C11orf54: variants seen among roughly 807,000 people sequenced by gnomAD.
C11orf54 encodes the protein beta-keto-L-gulonate decarboxylase, also known as beta-keto L-gulonate decarboxylase.
A neutral mutation model predicts 35.5 loss-of-function variants in C11orf54; 29 were observed. The observed-to-expected ratio is 0.82, with a 90% CI of 0.61 to 1.11. The LOEUF (loss-of-function observed/expected upper bound fraction) is 1.11, where lower values mean the gene tolerates loss of function less well. Among genes scored for constraint, C11orf54 ranks in the 50% most tolerant of loss-of-function variants. The pLI is 0.00. For missense variants in C11orf54, 373 were observed against 369.2 expected, an observed-to-expected ratio of 1.01 and a Z score of -0.08; for synonymous variants, 108 against 121.1, an observed-to-expected ratio of 0.89 and a Z score of 0.71.
rs1943065024 is a variant in C11orf54 at position 93,755,192 on chromosome 11, G to C, written c.331-18G>C. The stretch of plus-strand genomic sequence containing the variant: ...GCAGAGATACAAAGATTGACTAATT[G>C]CCTCACTTTCTTTTCAGTTTATGCC... On this transcript the variant is annotated intron_variant, in intron 5 of 8. Coordinates refer to ENST00000354421, the MANE Select transcript of C11orf54 (RefSeq NM_001286069.2). The C allele has an allele frequency of 6.2e-7, 1 of 1,610,296 alleles. No homozygotes were observed. The highest frequency in any genetic ancestry group is 1.3e-5 in the African/African-American group (1 of 74,782).
chr11:93,759,877 T>G lies in C11orf54; in HGVS notation c.774+19T>G, dbSNP rs1424613327. ...AGACCCAGTAAGTCTGTGTCTGTTT[T>G]TTATATTATACTACAATGATAATGC... On this transcript the variant is annotated intron_variant, in intron 8 of 8. Transcript: ENST00000354421. 5 of 1,381,908 alleles carry G rather than the reference T, an allele frequency of 3.6e-6. No individual in the cohort carries two copies. Among genetic ancestry groups the G allele is most frequent in the Admixed American group, 3.5e-5 (2 of 56,346 alleles). 85.6% of individuals were successfully genotyped at this position (1,381,908 alleles called of 1,614,324 possible). A position where few individuals can be genotyped will look rare whatever the true frequency, so the allele number is the denominator to read the frequency against.
intron 7 of C11orf54, 60 bp from the exon 8 acceptor site, chr11:93,759,682 A>C: frequency 1.2e-6 from 1 of 833,586 alleles, no homozygotes; most frequent in Non-Finnish European, 1.8e-6. Flanking sequence ...TATATTTTTA[A>C]AATTTTTAAT....
chr11:93,749,119 G>A (rs1214573773), intron 2 of C11orf54, among the ~76,000 whole-genome samples: 2 of 150,354 alleles, frequency 1.3e-5, no homozygotes, highest in Non-Finnish European at 1.5e-5. Flanking sequence ...ACTCCAGCCT[G>A]GGTGACAGGG....
intron 1 of C11orf54, 177 bp downstream of exon 1, chr11:93,741,905 T>C: frequency 4.7e-6 from 1 of 214,028 alleles, no homozygotes. Flanking sequence ...GTGGCGAGGG[T>C]GACGGGTGGG....
At chr11:93,746,869 T>C (rs964635273) in intron 1 of C11orf54, 1 of 152,318 alleles carries the variant, frequency 6.6e-6, no homozygotes, top group East Asian at 1.9e-4. Flanking sequence ...TGTACTGTTA[T>C]CTACAACCAT....
rs1470403164 is a variant in C11orf54 at position 93,761,657 on chromosome 11, CAA to C, written c.920_921del (p.Lys307ArgfsTer16). ...GAGTTTCTCTATCGCATTGATCAACCAAAAGAGACGCATTCAATTGGGCGAGA... is the reference window on the plus strand; with the variant it reads ...GAGTTTCTCTATCGCATTGATCAACCAAGAGACGCATTCAATTGGGCGAGA... On this transcript the variant is annotated frameshift_variant, in exon 9 of 9. Transcript: ENST00000354421. LOFTEE classifies it high-confidence loss of function. The C allele has an allele frequency of 1.2e-6, 2 of 1,605,836 alleles. No homozygotes were observed. Among genetic ancestry groups the C allele is most frequent in the Non-Finnish European group, 8.5e-7 (1 of 1,177,238 alleles).
chr11:93,761,414 A>T, intron 8 of C11orf54, 101 bp from the exon 9 acceptor site: 2 of 1,095,400 alleles, frequency 1.8e-6, no homozygotes, highest in Non-Finnish European at 2.6e-6. Context: ...TGTATTACCT[A>T]TTTAAAAAAT....
chr11:93,755,238 A>T lies in C11orf54; in HGVS notation c.359A>T (p.Glu120Val). 2 of 1,614,132 alleles carry T rather than the reference A, an allele frequency of 1.2e-6. No individual in the cohort carries two copies. Among genetic ancestry groups the T allele is most frequent in the South Asian group, 2.2e-5 (2 of 91,074 alleles). The change falls in exon 6 of 9, where the codon GAA (glutamate) becomes GTA (valine). Residue 120 changes from glutamate to valine, a missense_variant. Transcript: ENST00000354421. Reference sequence around the variant, plus strand: ...ATGCCAGTTATTCAGACAGAAAGTGAACACAAGCCTCCTGTAAATGGAAGT... The same window carrying T: ...ATGCCAGTTATTCAGACAGAAAGTGTACACAAGCCTCCTGTAAATGGAAGT... ...EFMPVIQTES[E>V]HKPPVNGSYF...
intron 6 of C11orf54, among the ~76,000 whole-genome samples, chr11:93,755,996 G>A (rs901514960): frequency 6.6e-5 from 10 of 151,620 alleles, no homozygotes; most frequent in Non-Finnish European, 1.0e-4. Context: ...GCGAAACCTC[G>A]TCTCTACTAA....
chr11:93,753,035 C>T (rs903763554), intron 3 of C11orf54, among the ~76,000 whole-genome samples: 8 of 152,250 alleles, frequency 5.3e-5, no homozygotes, highest in East Asian at 1.9e-4. Flanking sequence ...GGCTGGAATA[C>T]AGTAGCACAA....
chr11:93,761,550 T>TA lies in C11orf54; in HGVS notation c.811dup (p.Ser271LysfsTer12). On this transcript the variant is annotated frameshift_variant, in exon 9 of 9. Transcript: ENST00000354421. LOFTEE classifies it high-confidence loss of function. ...TGCGACTGGAGCACACTCATTTTTTTAGTCGTCATGGAGAAGGTGGACACT... is the reference window on the plus strand; with the variant it reads ...TGCGACTGGAGCACACTCATTTTTTTAAGTCGTCATGGAGAAGGTGGACACT... 1 of 1,611,422 alleles carries TA rather than the reference T, an allele frequency of 6.2e-7. No individual in the cohort carries two copies. The highest frequency in any genetic ancestry group is 8.5e-7 in the Non-Finnish European group (1 of 1,179,124).
chr11:93,761,505 GTTATC>G lies in C11orf54; in HGVS notation c.775-6_775-2del. ...TTGAGTACTAACATATTGTTTGTCT[GTTATC>G]TTAGGGGTTTGATTTGCGACTGGAG... On this transcript the variant is annotated splice_polypyrimidine_tract_variant and splice_region_variant and intron_variant, in intron 8 of 8. Transcript: ENST00000354421. 6.3e-7 allele frequency: 1 copy of G among 1,591,290 alleles called. No individual in the cohort carries two copies. Among genetic ancestry groups the G allele is most frequent in the Non-Finnish European group, 8.5e-7 (1 of 1,170,148 alleles).
Position 93,753,983 on chromosome 11 carries a change from CT to C in C11orf54, c.279del (p.Phe93LeufsTer33). 1 of 1,614,046 alleles carries C rather than the reference CT, an allele frequency of 6.2e-7. No individual in the cohort carries two copies. The highest frequency in any genetic ancestry group is 8.5e-7 in the Non-Finnish European group (1 of 1,179,978). On this transcript the variant is annotated frameshift_variant, in exon 5 of 9. Coordinates refer to ENST00000354421, the MANE Select transcript of C11orf54 (RefSeq NM_001286069.2). LOFTEE classifies it high-confidence loss of function. ...CAAAAGAAATCAAGCTGCCTGGAGC[CT>C]TTATTCTTGGAGCAGGAGCAGGTCC... Reference protein sequence around the residue: ...IAKEIKLPGAFILGAGAGPFQ... With the variant: ...IAKEIKLPGAXILGAGAGPFQ...
At chr11:93,750,784 C>G (rs1338468012) in intron 3 of C11orf54, among the ~76,000 whole-genome samples, 1 of 152,134 alleles carries the variant, frequency 6.6e-6, no homozygotes, top group African/African-American at 2.4e-5. Context: ...TTTATTTATT[C>G]AAGACCAGAA....
chr11:93,750,279 C>T, intron 2 of C11orf54, 67 bp from the exon 3 acceptor site: 10 of 1,259,652 alleles, frequency 7.9e-6, no homozygotes, highest in Non-Finnish European at 1.2e-5. Flanking sequence ...AGCCACATAC[C>T]ACTTTTGATA....
chr11:93,751,508 G>A (rs1447226529), intron 3 of C11orf54, among the ~76,000 whole-genome samples: 2 of 142,348 alleles, frequency 1.4e-5, no homozygotes, highest in African/African-American at 2.6e-5. Context: ...AGGTTCAAGC[G>A]ATTCTCCAGC....
Position 93,755,340 on chromosome 11 carries a change from G to A in C11orf54, c.461G>A (p.Cys154Tyr). The A allele has an allele frequency of 6.2e-7, 1 of 1,614,180 alleles. No individual in the cohort carries two copies. Among genetic ancestry groups the A allele is most frequent in the Non-Finnish European group, 8.5e-7 (1 of 1,180,034 alleles). ...AGTGAGAAATGTCATGATTTTCAGT[G>A]TGCATTACTGGCTAATCTTTTTGCC... is the stretch of plus-strand genomic sequence containing the variant. ...KYSEKCHDFQCALLANLFASE... is the reference protein window; with the variant it reads ...KYSEKCHDFQYALLANLFASE... Residue 154 changes from cysteine (C) to tyrosine (Y), a missense_variant, in exon 6 of 9, where the codon TGT becomes TAT. Cys to Tyr is a radical substitution (Grantham distance 194, BLOSUM62 -2). Transcript: ENST00000354421.
chr11:93,741,756 G>A, intron 1 of C11orf54, 28 bp downstream of exon 1: 2 of 305,556 alleles, frequency 6.5e-6, no homozygotes, highest in Non-Finnish European at 1.3e-5. Flanking sequence ...GAACATTTCG[G>A]CAAATAACAA....
intron 2 of C11orf54, among the ~76,000 whole-genome samples, chr11:93,748,502 C>CACTTTTG (rs374889488): frequency 7.9e-5 from 12 of 152,010 alleles, no homozygotes; most frequent in African/African-American, 2.9e-4. Context: ...GTGTTTGTTT[C>CACTTTTG]TATTTTCCTT....
Sources: allele counts gnomAD v4.1 joint callset (sites outside exome capture counted in the v4.1 genomes callset), GRCh38; gene constraint gnomAD v4.1.1; transcripts MANE v1.5; gene names NCBI Gene and HGNC (gene_info 2026-07-23, HGNC 2026-07-21).